Variants in PDYN observed in about 807,000 individuals in gnomAD.
The protein encoded by PDYN is prodynorphin, also known as proenkephalin-B.
A neutral mutation model predicts 11.4 loss-of-function variants in PDYN; 5 were observed. The ratio of observed to expected loss-of-function variants is 0.44; its 90% CI spans 0.23 to 0.92. PDYN has a LOEUF of 0.92. Among genes scored for constraint, PDYN ranks in the 40% least tolerant of loss-of-function variants. The pLI, the probability that PDYN is intolerant of heterozygous loss-of-function variation, is 0.24. For missense variants in PDYN, 337 were observed against 317.3 expected (o/e 1.06, Z -0.47); for synonymous variants, 132 against 129.5 (o/e 1.02, Z -0.13).
chr20:1,983,231 G>A, intron 2 of PDYN, 128 bp from the exon 3 acceptor site: 1 of 867,148 alleles, frequency 1.2e-6, no homozygotes, highest in Non-Finnish European at 1.7e-6. Context: ...CCATTCTACA[G>A]TCAAGAAAAC....
At chr20:1,990,933 G>A (rs1988410665) in intron 2 of PDYN, among the ~76,000 whole-genome samples, 1 of 151,124 alleles carries the variant, frequency 6.6e-6, no homozygotes, top group Non-Finnish European at 1.5e-5. Context: ...AGCAGAGAGA[G>A]GTGGAGGACC....
intron 2 of PDYN, among the ~76,000 whole-genome samples, chr20:1,989,693 T>C (rs910247271): frequency 6.6e-6 from 1 of 152,218 alleles, no homozygotes; most frequent in African/African-American, 2.4e-5. Flanking sequence ...TGATTACCCC[T>C]ATTTGATGAA....
At chr20:1,988,003 C>T (rs1988265700) in intron 2 of PDYN, among the ~76,000 whole-genome samples, 1 of 152,180 alleles carries the variant, frequency 6.6e-6, no homozygotes, top group Non-Finnish European at 1.5e-5. Flanking sequence ...AATGCTGCTG[C>T]ATGACTCACT....
At chr20:1,988,539 A>T (rs1321310185) in intron 2 of PDYN, among the ~76,000 whole-genome samples, 2 of 152,180 alleles carry the variant, frequency 1.3e-5, no homozygotes, top group Non-Finnish European at 2.9e-5. Flanking sequence ...GAGGAAAGGA[A>T]CTTTGCCGAT....
intron 2 of PDYN, among the ~76,000 whole-genome samples, chr20:1,990,334 C>T (rs925027003): frequency 6.6e-6 from 1 of 152,224 alleles, no homozygotes; most frequent in African/African-American, 2.4e-5. Context: ...CAAACTCTCA[C>T]ATTCCTGACG....
chr20:1,985,750 CT>C (rs1257387566), intron 2 of PDYN, among the ~76,000 whole-genome samples: 6 of 152,212 alleles, frequency 3.9e-5, no homozygotes, highest in African/African-American at 1.4e-4. Flanking sequence ...GGGAAGCGGA[CT>C]TGTGTCCCTC....
chr20:1,980,092 G>A lies in PDYN; in HGVS notation c.*231C>T. On this transcript the variant is annotated 3_prime_UTR_variant, in exon 4 of 4. Transcript: ENST00000217305. The stretch of plus-strand genomic sequence containing the variant: ...TGATAGTTTTAGAGTCTAGGTGTCT[G>A]AGCCAAGCACTAAGCCTATTGTGGG... 1.7e-6 allele frequency: 1 copy of A among 596,332 alleles called. No individual in the cohort carries two copies. Among genetic ancestry groups the A allele is most frequent in the South Asian group, 1.9e-5 (1 of 53,968 alleles). 36.9% of individuals were successfully genotyped at this position (596,332 alleles called of 1,614,324 possible). A position where few individuals can be genotyped will look rare whatever the true frequency, so the allele number is the denominator to read the frequency against.
chr20:1,984,718 G>A (rs1052008540), intron 2 of PDYN, among the ~76,000 whole-genome samples: 1 of 152,152 alleles, frequency 6.6e-6, no homozygotes, highest in Admixed American at 6.5e-5. Flanking sequence ...GACCAACATA[G>A]TGAAACCCCA....
chr20:1,983,184 T>G, intron 2 of PDYN, 81 bp from the exon 3 acceptor site: 4 of 1,217,494 alleles, frequency 3.3e-6, no homozygotes, highest in Admixed American at 2.0e-5. Flanking sequence ...AAGTCATCTC[T>G]AACTCCTGCC....
chr20:1,986,322 C>T (rs527536567), intron 2 of PDYN, among the ~76,000 whole-genome samples: 49 of 152,330 alleles, frequency 3.2e-4, no homozygotes, highest in African/African-American at 1.2e-3. Context: ...GCCCAGGCCC[C>T]TTCAGTCCTC....
chr20:1,980,206 G>T lies in PDYN; in HGVS notation c.*117C>A, dbSNP rs1407341733. 1 of 1,045,766 alleles carries T rather than the reference G, an allele frequency of 9.6e-7. No individual in the cohort carries two copies. The highest frequency in any genetic ancestry group is 1.5e-6 in the Non-Finnish European group (1 of 672,926). 64.8% of individuals were successfully genotyped at this position (1,045,766 alleles called of 1,614,324 possible). A position where few individuals can be genotyped will look rare whatever the true frequency, so the allele number is the denominator to read the frequency against. The stretch of plus-strand genomic sequence containing the variant: ...GAGATAGGCTGGGCTTGGATATTTT[G>T]TACACAATGCTGAGCTGAGCATGGG... On this transcript the variant is annotated 3_prime_UTR_variant, in exon 4 of 4. Transcript: ENST00000217305.
In PDYN at chr20:1,979,727, C is replaced by A. The variant is rs1987597943; in HGVS notation, c.*596G>T. ...ACCCTCTACTGTAAGGGTTCCTGAT[C>A]CAATATAAGGCAATGTTTAAGCTTT... On this transcript the variant is annotated 3_prime_UTR_variant, in exon 4 of 4. Coordinates refer to ENST00000217305, the MANE Select transcript of PDYN (RefSeq NM_024411.5). 1 of 163,630 alleles carries A rather than the reference C, an allele frequency of 6.1e-6. No homozygotes were observed. The highest frequency in any genetic ancestry group is 5.6e-5 in the Admixed American group (1 of 17,992). The allele number at this position is 163,630 out of a possible 1,614,324, so 10.1% of individuals were successfully genotyped here.
In PDYN at chr20:1,985,496, G is replaced by A. The variant is rs950104940; in HGVS notation, c.-19-2393C>T. Among the ~76,000 whole-genome samples the A allele has an allele frequency of 3.9e-5, 6 of 152,226 alleles. No homozygotes were observed. The South Asian group carries it at 1.0e-3, about 26-fold the overall frequency. ...CAATTCAGTGGCAGCTGCACCCTCC[G>A]TGAGATCCAAGGGGCTTTATATACA... On this transcript the variant is annotated intron_variant, in intron 2 of 3. Transcript: ENST00000217305.
chr20:1,979,893 T>C lies in PDYN; in HGVS notation c.*430A>G. 1 of 271,418 alleles carries C rather than the reference T, an allele frequency of 3.7e-6. No homozygotes were observed. The allele number at this position is 271,418 out of a possible 1,614,324, so 16.8% of individuals were successfully genotyped here. On this transcript the variant is annotated 3_prime_UTR_variant, in exon 4 of 4. Transcript: ENST00000217305. ...GTTTATGATGTGTATACTATCTGCA[T>C]GAGGGAGCATGCTCATATTTCTTCT...
rs138498390 is a variant in PDYN, at chr20:1,980,453, C to T, written c.635G>A (p.Arg212Gln). The change falls in exon 4 of 4, where the codon CGG becomes CAG. Residue 212 changes from arginine (R) to glutamine (Q), a missense_variant. Arg to Gln is a conservative substitution (Grantham distance 43). Transcript: ENST00000217305. The part of the protein sequence containing the change: ...DLYKRYGGFL[R>Q]RIRPKLKWDN... Reference sequence around the variant, plus strand: ...CCACTTGAGCTTGGGACGAATGCGCCGCAAGAAGCCCCCATAGCGTTTGTA... The same window carrying T: ...CCACTTGAGCTTGGGACGAATGCGCTGCAAGAAGCCCCCATAGCGTTTGTA... 6.2e-5 allele frequency: 100 copies of T among 1,614,154 alleles called. No individual in the cohort carries two copies. The highest frequency in any genetic ancestry group is 2.9e-4 in the East Asian group (13 of 44,868).
rs1027357929 is a variant in PDYN at position 1,980,755 on chromosome 20, A to C, written c.333T>G (p.Phe111Leu). 2 of 1,613,980 alleles carry C rather than the reference A, an allele frequency of 1.2e-6. No homozygotes were observed. The highest frequency in any genetic ancestry group is 2.7e-5 in the African/African-American group (2 of 74,870). ...SFLKELEKSK[F>L]LPSISTKENT... ...TCTCCTTTGTTGAGATACTTGGGAG[A>C]AACTTGCTTTTCTCCAGCTCCTTCA... The change falls in exon 4 of 4, where the codon TTT becomes TTG. Residue 111 changes from phenylalanine (F) to leucine (L), a missense_variant. Physicochemically the swap from Phe to Leu is conservative, Grantham distance 22. Transcript: ENST00000217305.
Position 1,980,110 on chromosome 20 carries a change from A to G in PDYN, c.*213T>C. On this transcript the variant is annotated 3_prime_UTR_variant, in exon 4 of 4. Transcript: ENST00000217305. ...GGTGTCTGAGCCAAGCACTAAGCCT[A>G]TTGTGGGGAAGGGACATCCACCCTT... 1 of 627,144 alleles carries G rather than the reference A, an allele frequency of 1.6e-6. No individual in the cohort carries two copies. Among genetic ancestry groups the G allele is most frequent in the South Asian group, 1.8e-5 (1 of 56,012 alleles). 38.8% of individuals were successfully genotyped at this position (627,144 alleles called of 1,614,324 possible).
At chr20:1,990,802 G>C (rs369897127) in intron 2 of PDYN, among the ~76,000 whole-genome samples, 4 of 152,004 alleles carry the variant, frequency 2.6e-5, no homozygotes, top group African/African-American at 7.3e-5. Flanking sequence ...AAGAGACATA[G>C]AGAGAGAGAT....
chr20:1,983,191 T>C (rs1005196425), intron 2 of PDYN, 88 bp from the exon 3 acceptor site: 78 of 1,133,648 alleles, frequency 6.9e-5, no homozygotes, highest in Non-Finnish European at 9.7e-5. Flanking sequence ...CTCTAACTCC[T>C]GCCCACAGCA....
Sources: allele counts gnomAD v4.1 joint callset (sites outside exome capture counted in the v4.1 genomes callset), GRCh38; gene constraint gnomAD v4.1.1; transcripts MANE v1.5; gene names NCBI Gene and HGNC (gene_info 2026-07-23, HGNC 2026-07-21).